The following MYO10 variants were observed in gnomAD, a reference collection of about 807,000 sequenced individuals.
The protein encoded by MYO10 is myosin X.
Under a neutral mutation model 257.3 loss-of-function variants are expected in MYO10, and 133 were observed. The observed-to-expected ratio is 0.52, with a 90% CI of 0.45 to 0.60. The LOEUF is 0.60. Ranked by LOEUF, MYO10 falls within the 20% of genes least tolerant of loss-of-function variation. The pLI, the probability that MYO10 is intolerant of heterozygous loss-of-function variation, is 0.00. For missense variants in MYO10, 2,399 were observed against 2,635.7 expected (o/e 0.91, Z 1.97); for synonymous variants, 1,104 against 1,028.6 (o/e 1.07, Z -1.40).
chr5:16,786,870 TA>T (rs869066240), intron 4 of MYO10, among the ~76,000 whole-genome samples: 1 of 71,882 alleles, frequency 1.4e-5, no homozygotes, highest in Non-Finnish European at 3.8e-5. Flanking sequence ...CATTTTTATT[TA>T]AAAAAAAAAA....
chr5:16,719,900 G>A (rs957114022), intron 19 of MYO10, among the ~76,000 whole-genome samples: 10 of 152,092 alleles, frequency 6.6e-5, no homozygotes, highest in African/African-American at 2.4e-4. Context: ...GGAGGCGGAG[G>A]TTGTAGTGGG....
intron 40 of MYO10, among the ~76,000 whole-genome samples, chr5:16,668,026 C>G (rs1376712152): frequency 1.3e-5 from 2 of 152,134 alleles, no homozygotes; most frequent in Non-Finnish European, 2.9e-5. Flanking sequence ...GCCTTTCCTC[C>G]AAGGGTAAGA....
At chr5:16,745,632 G>A (rs1245421099) in intron 19 of MYO10, among the ~76,000 whole-genome samples, 3 of 151,998 alleles carry the variant, frequency 2.0e-5, no homozygotes, top group East Asian at 1.9e-4. Flanking sequence ...AGGCTTCTGC[G>A]AGTTATGATA....
chr5:16,676,402 T>G (rs1338727061), intron 33 of MYO10, among the ~76,000 whole-genome samples: 1 of 152,182 alleles, frequency 6.6e-6, no homozygotes, highest in Non-Finnish European at 1.5e-5. Context: ...TTTTCTCCCC[T>G]GGAGATTACA....
rs991551330 is a variant in MYO10 at position 16,699,502 on chromosome 5, A to T, written c.3504T>A (p.Ser1168=). The T allele has an allele frequency of 3.1e-6, 5 of 1,613,782 alleles. No individual in the cohort carries two copies. Among genetic ancestry groups the T allele is most frequent in the Non-Finnish European group, 4.2e-6 (5 of 1,179,844 alleles). ...ACGGCAGAGTGACACAGCTGTACAC[A>T]GAGTCACGCCGGTATGAAAGCTCAT... ...TDDELSYRRD[S]VYSCVTLPYF... is the part of the protein sequence containing the mutation. Residue 1168 remains serine (S), a synonymous_variant, in exon 26 of 41, where the codon TCT becomes TCA. Coordinates refer to ENST00000513610, the MANE Select transcript of MYO10 (RefSeq NM_012334.3).
At position 16,823,454 on chromosome 5, in the gene MYO10, G is replaced by C. The variant is rs368218091; in HGVS notation, c.121-5287C>G. Among the ~76,000 whole-genome samples, 189 of 21,358 alleles carry C rather than the reference G, an allele frequency of 8.8e-3. 40 individuals carry two copies. Among genetic ancestry groups the C allele is most frequent in the East Asian group, 0.057 (19 of 334 alleles). The allele number at this position is 21,358 out of a possible 152,430, so 14.0% of individuals were successfully genotyped here. A position where few individuals can be genotyped will look rare whatever the true frequency, so the allele number is the denominator to read the frequency against. On this transcript the variant is annotated intron_variant, in intron 2 of 40. Transcript: ENST00000513610. ...GGCAAGACTCCATCTTGCGCGGGGG[G>C]GGGGGGAGTGGGGATTTTTTTTTTT...
chr5:16,823,446 C>CAGG lies in MYO10; in HGVS notation c.121-5280_121-5279insCCT, dbSNP rs1554000155. On this transcript the variant is annotated intron_variant, in intron 2 of 40. Transcript: ENST00000513610. ...GATGACAGGGCAAGACTCCATCTTG[C>CAGG]GCGGGGGGGGGGGGAGTGGGGATTT... Among the ~76,000 whole-genome samples the CAGG allele has an allele frequency of 5.0e-3, 21 of 4,190 alleles. 3 individuals carry two copies. The highest frequency in any genetic ancestry group is 9.7e-3 in the Non-Finnish European group (17 of 1,750). The allele number at this position is 4,190 out of a possible 152,430, so 2.7% of individuals were successfully genotyped here.
At chr5:16,749,729 A>C (rs1023731180) in intron 19 of MYO10, among the ~76,000 whole-genome samples, 1 of 152,204 alleles carries the variant, frequency 6.6e-6, no homozygotes, top group Non-Finnish European at 1.5e-5. Flanking sequence ...AAGACCAAAC[A>C]GGGAGGAGAG....
chr5:16,815,191 T>C (rs1233708309), intron 3 of MYO10: 2 of 420,616 alleles, frequency 4.8e-6, no homozygotes, highest in Non-Finnish European at 4.2e-6. Flanking sequence ...GTTTTTTCTC[T>C]AATGACAGCA....
chr5:16,743,394 G>A (rs965793136), intron 19 of MYO10, among the ~76,000 whole-genome samples: 17 of 152,112 alleles, frequency 1.1e-4, no homozygotes, highest in African/African-American at 4.1e-4. Flanking sequence ...TGTAATCCCA[G>A]CACTTTGGGA....
intron 2 of MYO10, among the ~76,000 whole-genome samples, chr5:16,857,933 C>T (rs1378935935): frequency 6.6e-6 from 1 of 152,176 alleles, no homozygotes; most frequent in African/African-American, 2.4e-5. Context: ...GGAAGATCCC[C>T]TGAAGCACTA....
chr5:16,796,051 C>T (rs1168692888), intron 3 of MYO10, among the ~76,000 whole-genome samples: 5 of 151,138 alleles, frequency 3.3e-5, no homozygotes, highest in Admixed American at 1.3e-4. Flanking sequence ...TAGCCAGGCC[C>T]GGTGGCACAC....
chr5:16,717,973 G>C (rs561851765), intron 19 of MYO10, among the ~76,000 whole-genome samples: 1 of 152,210 alleles, frequency 6.6e-6, no homozygotes, highest in Admixed American at 6.5e-5. Flanking sequence ...AGCGGGAACC[G>C]GGGCTGCGTG....
At chr5:16,712,725 C>T (rs1738676200) in intron 19 of MYO10, among the ~76,000 whole-genome samples, 1 of 152,194 alleles carries the variant, frequency 6.6e-6, no homozygotes, top group African/African-American at 2.4e-5. Context: ...AGTGGGCTGA[C>T]TTCTCTCATA....
At chr5:16,759,639 G>C (rs953583826) in intron 17 of MYO10, among the ~76,000 whole-genome samples, 4 of 152,132 alleles carry the variant, frequency 2.6e-5, no homozygotes, top group Non-Finnish European at 5.9e-5. Flanking sequence ...GGCAGCTGGC[G>C]AAACTCCACC....
At position 16,800,285 on chromosome 5, in the gene MYO10, C is replaced by T. The variant is rs543263408; in HGVS notation, c.280-5452G>A. On this transcript the variant is annotated intron_variant, in intron 3 of 40. Coordinates refer to ENST00000513610, the MANE Select transcript of MYO10 (RefSeq NM_012334.3). ...ATAAATTTAAAATCCCGGCCAGCTA[C>T]GGTGGGTCATGACTATAATCCCAGC... Among the ~76,000 whole-genome samples, 7 of 152,202 alleles carry T rather than the reference C, an allele frequency of 4.6e-5. No homozygotes were observed. The East Asian group carries it at 1.4e-3, about 29-fold the overall frequency.
rs145854088 is a variant in MYO10, at chr5:16,805,711, T to C, written c.280-10878A>G. ...AGAATAAATAAGCTGGTCGGTTTAA[T>C]GGCTTTTCAGAAATAGGAAGTACAT... On this transcript the variant is annotated intron_variant, in intron 3 of 40. Transcript: ENST00000513610. Among the ~76,000 whole-genome samples, 659 of 152,312 alleles carry C rather than the reference T, an allele frequency of 4.3e-3. 5 individuals are homozygous for C. The highest frequency in any genetic ancestry group is 0.014 in the African/African-American group (584 of 41,578).
In MYO10 at chr5:16,666,564, A is replaced by C; in HGVS notation, c.*128T>G. ...AAGGATCCTCGGAGACACCTCCCTC[A>C]GACCAGAAGCTTCCAGAAAGCCTGG... is the stretch of plus-strand genomic sequence containing the variant. On this transcript the variant is annotated 3_prime_UTR_variant, in exon 41 of 41. Coordinates refer to ENST00000513610, the MANE Select transcript of MYO10 (RefSeq NM_012334.3). 1.4e-6 allele frequency: 1 copy of C among 721,576 alleles called. No homozygotes were observed. Among genetic ancestry groups the C allele is most frequent in the Non-Finnish European group, 2.2e-6 (1 of 448,424 alleles). 44.7% of individuals were successfully genotyped at this position (721,576 alleles called of 1,614,324 possible).
intron 2 of MYO10, among the ~76,000 whole-genome samples, chr5:16,862,638 G>A (rs890387873): frequency 2.0e-5 from 3 of 152,026 alleles, no homozygotes; most frequent in African/African-American, 2.4e-5. Context: ...GTTTGATTCC[G>A]TCCGTTTTCT....
Sources: allele counts gnomAD v4.1 joint callset (sites outside exome capture counted in the v4.1 genomes callset), GRCh38; gene constraint gnomAD v4.1.1; transcripts MANE v1.5; gene names NCBI Gene and HGNC (gene_info 2026-07-23, HGNC 2026-07-21).